SLC5A11: variants seen among roughly 807,000 people sequenced by gnomAD.
SLC5A11 encodes solute carrier family 5 member 11.
In SLC5A11, 48 loss-of-function variants were observed where a neutral mutation model predicts 69.8. The observed-to-expected ratio is 0.69, with a 90% confidence interval of 0.55 to 0.87. SLC5A11 has a LOEUF of 0.87. Among genes scored for constraint, SLC5A11 ranks in the 40% least tolerant of loss-of-function variants. The pLI is 0.00. For missense variants in SLC5A11, 784 were observed against 866.1 expected (o/e 0.91, Z 1.19); for synonymous variants, 319 against 342.4 (o/e 0.93, Z 0.75).
At chr16:24,868,509 G>A (rs1024860984) in intron 3 of SLC5A11, among the ~76,000 whole-genome samples, 8 of 148,738 alleles carry the variant, frequency 5.4e-5, no homozygotes, top group Non-Finnish European at 8.9e-5. Flanking sequence ...TGAGGCAGGA[G>A]AATGGCATGA....
At chr16:24,911,333 A>G (rs769653944) in exon 16 of SLC5A11, 3 of 1,613,870 alleles carry the variant, frequency 1.9e-6, no homozygotes, top group Non-Finnish European at 2.5e-6. Context: ...TCTAGGTGAC[A>G]TGACCCCAAA....
chr16:24,850,523 G>T (rs529363494), intron 1 of SLC5A11, among the ~76,000 whole-genome samples: 19 of 152,326 alleles, frequency 1.2e-4, no homozygotes, highest in African/African-American at 4.6e-4. Context: ...AGGAAAGGGT[G>T]CGAGTGGCTT....
chr16:24,910,338 C>A, exon 15 of SLC5A11: 1 of 1,614,098 alleles, frequency 6.2e-7, no homozygotes, highest in Non-Finnish European at 8.5e-7. Context: ...CTCGTCACGA[C>A]CCCGTGGTCC....
At chr16:24,852,297 T>G (rs571024892) in intron 1 of SLC5A11, among the ~76,000 whole-genome samples, 1 of 152,198 alleles carries the variant, frequency 6.6e-6, no homozygotes, top group Admixed American at 6.5e-5. Flanking sequence ...TTTTCTGATC[T>G]TTTCCTTGCA....
chr16:24,883,847 A>G (rs1878323325), intron 7 of SLC5A11, among the ~76,000 whole-genome samples: 1 of 152,208 alleles, frequency 6.6e-6, no homozygotes. Flanking sequence ...GGAGAAATCA[A>G]CTTCACCTCA....
chr16:24,862,583 CTCT>C lies in SLC5A11; in HGVS notation c.136-13_136-11del, dbSNP rs1464280239. 6.2e-7 allele frequency: 1 copy of C among 1,603,542 alleles called. No homozygotes were observed. Among genetic ancestry groups the C allele is most frequent in the East Asian group, 2.2e-5 (1 of 44,826 alleles). On this transcript the variant is annotated splice_polypyrimidine_tract_variant and intron_variant, in intron 2 of 15. Transcript: ENST00000347898. ...TGCTAACGTCTTCCCTCACCCACCT[CTCT>C]TCTTTTTTTTTCAGTCCACAGTGAA... is the stretch of plus-strand genomic sequence containing the variant.
intron 5 of SLC5A11, among the ~76,000 whole-genome samples, chr16:24,872,709 C>T (rs1327150060): frequency 6.6e-6 from 1 of 150,864 alleles, no homozygotes; most frequent in Non-Finnish European, 1.5e-5. Context: ...GTAGAAAATA[C>T]AAAAATCCTG....
chr16:24,903,232 C>A (rs2049779014), intron 10 of SLC5A11, among the ~76,000 whole-genome samples: 1 of 151,300 alleles, frequency 6.6e-6, no homozygotes, highest in Non-Finnish European at 1.5e-5. Context: ...TATTTTAATA[C>A]AAATTGTACA....
intron 1 of SLC5A11, 116 bp from the exon 3 acceptor site, chr16:24,858,504 C>A: frequency 1.2e-6 from 1 of 805,952 alleles, no homozygotes; most frequent in Non-Finnish European, 1.8e-6. Flanking sequence ...CTGTCTTCCA[C>A]CACACATCCC....
intron 8 of SLC5A11, among the ~76,000 whole-genome samples, chr16:24,885,608 A>G (rs2048339966): frequency 7.5e-6 from 1 of 132,604 alleles, no homozygotes; most frequent in Non-Finnish European, 1.5e-5. Flanking sequence ...AGATTGTGCC[A>G]CTGCACTCCG....
intron 5 of SLC5A11, 89 bp from the exon 7 acceptor site, chr16:24,875,538 G>A (rs2047611264): frequency 1.0e-6 from 1 of 992,788 alleles, no homozygotes; most frequent in Admixed American, 2.0e-5. Context: ...GAGTTGCGGG[G>A]GCAGGAGCAG....
intron 10 of SLC5A11, 133 bp downstream of exon 11, chr16:24,898,242 C>T: frequency 9.3e-6 from 11 of 1,187,656 alleles, no homozygotes; most frequent in Non-Finnish European, 1.3e-5. Context: ...GACAGAGTCT[C>T]ATTCTGTCAT....
chr16:24,895,830 G>C (rs1177845024), intron 9 of SLC5A11, among the ~76,000 whole-genome samples: 1 of 152,176 alleles, frequency 6.6e-6, no homozygotes, highest in Admixed American at 6.6e-5. Context: ...TCGGGCAACT[G>C]TCTCTGACAA....
intron 1 of SLC5A11, among the ~76,000 whole-genome samples, chr16:24,851,678 A>G (rs956357537): frequency 7.9e-5 from 12 of 152,206 alleles, no homozygotes; most frequent in African/African-American, 2.9e-4. Context: ...GTATTTAATC[A>G]CATTACACAT....
chr16:24,905,276 A>C (rs2049940068), intron 10 of SLC5A11, among the ~76,000 whole-genome samples: 2 of 145,460 alleles, frequency 1.4e-5, no homozygotes, highest in Admixed American at 1.4e-4. Context: ...ATACAAAAAA[A>C]AAAAAAAAAA....
At position 24,897,964 on chromosome 16, in the gene SLC5A11, T is replaced by A; in HGVS notation, c.871-10T>A. 6.2e-7 allele frequency: 1 copy of A among 1,613,672 alleles called. No individual in the cohort carries two copies. The highest frequency in any genetic ancestry group is 8.5e-7 in the Non-Finnish European group (1 of 1,179,858). On this transcript the variant is annotated splice_polypyrimidine_tract_variant and intron_variant, in intron 9 of 15. Coordinates refer to ENST00000347898, the Ensembl canonical transcript of SLC5A11. ...CATTCCCAGTTTCCAACCCCCTTGATCTTTTCCAGGTGATTGTCCAGCGGA... is the reference window on the plus strand; with the variant it reads ...CATTCCCAGTTTCCAACCCCCTTGAACTTTTCCAGGTGATTGTCCAGCGGA...
At chr16:24,865,247 G>C (rs1020568019) in intron 3 of SLC5A11, among the ~76,000 whole-genome samples, 1 of 152,146 alleles carries the variant, frequency 6.6e-6, no homozygotes, top group African/African-American at 2.4e-5. Flanking sequence ...AGCAGCAAGA[G>C]AGGAACAATC....
intron 10 of SLC5A11, among the ~76,000 whole-genome samples, chr16:24,904,644 G>C (rs1489014526): frequency 6.6e-6 from 1 of 152,014 alleles, no homozygotes; most frequent in African/African-American, 2.4e-5. Flanking sequence ...CTCCACCACG[G>C]CTCCACTGGC....
At chr16:24,868,761 T>C (rs34605911) in intron 3 of SLC5A11, among the ~76,000 whole-genome samples, 6,000 of 152,046 alleles carry the variant, frequency 0.039, 178 homozygotes, top group Middle Eastern at 0.082. Flanking sequence ...AAAATGGCTC[T>C]TTCACAATTC....
Sources: gnomAD v4.1 joint callset for allele counts (sites outside exome capture counted in the v4.1 genomes callset) on GRCh38, gnomAD v4.1.1 for gene constraint, MANE v1.5 for transcripts, NCBI Gene and HGNC (gene_info 2026-07-23, HGNC 2026-07-21) for gene names.